The following CNN2 variants were observed in gnomAD, a reference collection of about 807,000 sequenced individuals.
CNN2 encodes the protein calponin 2.
CNN2 carries 21 observed loss-of-function variants against 31.0 expected under a neutral mutation model. The ratio of observed to expected loss-of-function variants is 0.68; its 90% CI spans 0.48 to 0.98. CNN2 has a LOEUF of 0.98. Among genes scored for constraint, CNN2 ranks in the 50% least tolerant of loss-of-function variants. CNN2 has a pLI of 0.00. For synonymous variants in CNN2, 165 were observed against 179.6 expected (o/e 0.92, Z 0.65); for missense variants, 399 against 427.3 (o/e 0.93, Z 0.58).
chr19:1,027,678 C>T (rs2144612379), intron 1 of CNN2, among the ~76,000 whole-genome samples: 1 of 152,220 alleles, frequency 6.6e-6, no homozygotes, highest in South Asian at 2.1e-4. Flanking sequence ...ACGGACAGGA[C>T]CGGGACCTGA....
rs991917629 is a variant in CNN2 at position 1,037,822 on chromosome 19, C to T, written c.852C>T (p.Pro284=). Residue 284 remains proline, a synonymous_variant, in exon 7 of 7, where the codon CCC becomes CCT. Coordinates refer to ENST00000263097, the MANE Select transcript of CNN2 (RefSeq NM_004368.4). ...CPQGTVADGA[P]SGTGDCPDPG... ...AAGGCACAGTGGCCGATGGGGCTCCCTCGGGCACCGGCGACTGCCCGGACC... is the reference window on the plus strand; with the variant it reads ...AAGGCACAGTGGCCGATGGGGCTCCTTCGGGCACCGGCGACTGCCCGGACC... The T allele has an allele frequency of 1.2e-6, 2 of 1,608,366 alleles. No individual in the cohort carries two copies. The highest frequency in any genetic ancestry group is 1.3e-5 in the African/African-American group (1 of 74,840).
At chr19:1,026,870 G>A in intron 1 of CNN2, 146 bp downstream of exon 1, 2 of 737,292 alleles carry the variant, frequency 2.7e-6, no homozygotes, top group Non-Finnish European at 4.2e-6. Context: ...CCTGACGCCT[G>A]GTGGGGGGAT....
intron 4 of CNN2, 117 bp from the exon 5 acceptor site, chr19:1,036,013 C>G: frequency 1.4e-6 from 2 of 1,429,712 alleles, no homozygotes; most frequent in Non-Finnish European, 1.8e-6. Context: ...TGTGGGGGCT[C>G]TGCGCGGCAG....
intron 1 of CNN2, among the ~76,000 whole-genome samples, chr19:1,029,763 G>A (rs192458820): frequency 4.6e-5 from 7 of 150,954 alleles, no homozygotes; most frequent in Non-Finnish European, 7.4e-5. Flanking sequence ...GAAGTGGCCC[G>A]ATCTTGGCTC....
chr19:1,026,962 C>CG (rs561919584), intron 1 of CNN2: 14 of 493,596 alleles, frequency 2.8e-5, no homozygotes, highest in Non-Finnish European at 5.1e-5. Flanking sequence ...ACCCATTCCC[C>CG]CCCCCAACAT....
intron 1 of CNN2, among the ~76,000 whole-genome samples, chr19:1,029,101 TA>T (rs2039447567): frequency 1.5e-5 from 2 of 131,254 alleles, no homozygotes; most frequent in South Asian, 2.6e-4. Flanking sequence ...CAGGGGACCC[TA>T]ACCCAAATCA....
intron 1 of CNN2, among the ~76,000 whole-genome samples, chr19:1,029,680 AT>A (rs948627352): frequency 1.4e-4 from 21 of 148,320 alleles, no homozygotes; most frequent in South Asian, 2.1e-4. Flanking sequence ...GAGGGATTTG[AT>A]TTTTTTTTTC....
intron 1 of CNN2, among the ~76,000 whole-genome samples, chr19:1,027,422 C>T (rs548966609): frequency 1.3e-5 from 2 of 152,374 alleles, no homozygotes; most frequent in South Asian, 4.1e-4. Context: ...CGCCCGTAAT[C>T]CCAGCACTTT....
At chr19:1,031,337 GT>G in intron 2 of CNN2, 145 bp downstream of exon 2, 3 of 332,084 alleles carry the variant, frequency 9.0e-6, no homozygotes, top group Non-Finnish European at 1.0e-5. Context: ...GCCGAGGGTG[GT>G]GGCGGGGGGC....
chr19:1,032,974 T>G, intron 4 of CNN2: 1 of 355,608 alleles, frequency 2.8e-6, no homozygotes, highest in South Asian at 2.5e-5. Flanking sequence ...AGACTGGGTT[T>G]CACCATGCTG....
At chr19:1,032,756 G>A in intron 4 of CNN2, 60 bp downstream of exon 4, 1 of 1,350,934 alleles carries the variant, frequency 7.4e-7, no homozygotes, top group Non-Finnish European at 1.0e-6. Flanking sequence ...GGATGTAGCT[G>A]CTGCATTCAC....
rs774707362 is a variant in CNN2 at position 1,026,624 on chromosome 19, G to A, written c.-38G>A. The A allele has an allele frequency of 6.7e-7, 1 of 1,502,768 alleles. No homozygotes were observed. The highest frequency in any genetic ancestry group is 1.2e-5 in the South Asian group (1 of 80,510). 93.1% of individuals were successfully genotyped at this position (1,502,768 alleles called of 1,614,324 possible). A position where few individuals can be genotyped will look rare whatever the true frequency, so the allele number is the denominator to read the frequency against. Reference sequence around the variant, plus strand: ...CAGCCCGGCGGTCCCGTCCCGTCCCGTCCTGTGCGGCCCCGTCCCGCCGCC... The same window carrying A: ...CAGCCCGGCGGTCCCGTCCCGTCCCATCCTGTGCGGCCCCGTCCCGCCGCC... On this transcript the variant is annotated 5_prime_UTR_variant, in exon 1 of 7. Transcript: ENST00000263097.
At position 1,038,575 on chromosome 19, in the gene CNN2, C is replaced by G. The variant is rs2039660638; in HGVS notation, c.*675C>G. ...TCTCCATGCTCCCCGCCCCAACCCA[C>G]TCTGGCCTCAGTAGATTTTTTTTTC... is the stretch of plus-strand genomic sequence containing the variant. On this transcript the variant is annotated 3_prime_UTR_variant, in exon 7 of 7. Coordinates refer to ENST00000263097, the MANE Select transcript of CNN2 (RefSeq NM_004368.4). 6.6e-6 allele frequency: 1 copy of G among 152,274 alleles called. No individual in the cohort carries two copies. The highest frequency in any genetic ancestry group is 2.1e-4 in the South Asian group (1 of 4,844). 9.4% of individuals were successfully genotyped at this position (152,274 alleles called of 1,614,324 possible).
rs976314757 is a variant in CNN2, at chr19:1,026,656, C to T, written c.-6C>T. On this transcript the variant is annotated 5_prime_UTR_variant, in exon 1 of 7. Coordinates refer to ENST00000263097, the MANE Select transcript of CNN2 (RefSeq NM_004368.4). ...GCGGCCCCGTCCCGCCGCCCGCCCG[C>T]CAGCCATGAGCTCCACGCAGTTCAA... is the stretch of plus-strand genomic sequence containing the variant. 5 of 1,537,612 alleles carry T rather than the reference C, an allele frequency of 3.3e-6. No homozygotes were observed. The African/African-American group carries it at 7.0e-5, about 22-fold the overall frequency.
rs1437745778 is a variant in CNN2, at chr19:1,037,804, A to C, written c.834A>C (p.Thr278=). 1 of 1,610,824 alleles carries C rather than the reference A, an allele frequency of 6.2e-7. No individual in the cohort carries two copies. Among genetic ancestry groups the C allele is most frequent in the Non-Finnish European group, 8.5e-7 (1 of 1,179,424 alleles). ...ACCCCAAGTACTGCCCGCAAGGCAC[A>C]GTGGCCGATGGGGCTCCCTCGGGCA... ...IYDPKYCPQG[T]VADGAPSGTG... Residue 278 remains threonine (T), a synonymous_variant, in exon 7 of 7, where the codon ACA becomes ACC. Coordinates refer to ENST00000263097, the MANE Select transcript of CNN2 (RefSeq NM_004368.4).
At chr19:1,027,273 A>G (rs910585045) in intron 1 of CNN2, among the ~76,000 whole-genome samples, 6 of 152,208 alleles carry the variant, frequency 3.9e-5, no homozygotes, top group African/African-American at 1.4e-4. Flanking sequence ...GAGGGGCGGT[A>G]GCCGCTTTGC....
intron 4 of CNN2, among the ~76,000 whole-genome samples, chr19:1,035,649 G>A (rs1450766660): frequency 5.9e-5 from 9 of 152,208 alleles, no homozygotes; most frequent in African/African-American, 1.9e-4. Context: ...TGGGCTGGGC[G>A]CGGTGGCTCA....
intron 4 of CNN2, among the ~76,000 whole-genome samples, chr19:1,033,521 A>G (rs2039533512): frequency 6.6e-6 from 1 of 152,272 alleles, no homozygotes; most frequent in African/African-American, 2.4e-5. Flanking sequence ...TAACAAAAGT[A>G]ATAAATAAGC....
intron 4 of CNN2, among the ~76,000 whole-genome samples, chr19:1,033,454 C>T (rs941192108): frequency 2.6e-5 from 4 of 152,098 alleles, no homozygotes; most frequent in Non-Finnish European, 5.9e-5. Flanking sequence ...TGAGCTATGA[C>T]CACACCACTG....
Sources: gnomAD v4.1 joint callset for allele counts (sites outside exome capture counted in the v4.1 genomes callset) on GRCh38, gnomAD v4.1.1 for gene constraint, MANE v1.5 for transcripts, NCBI Gene and HGNC (gene_info 2026-07-23, HGNC 2026-07-21) for gene names.